The following XRN2 variants were observed in gnomAD, a reference collection of about 807,000 sequenced individuals.
XRN2 encodes 5'-3' exoribonuclease 2.
In XRN2, 44 loss-of-function variants were observed where a neutral mutation model predicts 138.5. The ratio of observed to expected loss-of-function variants is 0.32; its 90% CI spans 0.25 to 0.41. The LOEUF (loss-of-function observed/expected upper bound fraction) is 0.41, where lower values mean the gene tolerates loss of function less well. Ranked by LOEUF, XRN2 falls within the 10% of genes least tolerant of loss-of-function variation. XRN2 has a pLI of 1.00. For synonymous variants in XRN2, 354 were observed against 369.4 expected, an observed-to-expected ratio of 0.96 and a Z score of 0.48; for missense variants, 937 against 1,169.3, an observed-to-expected ratio of 0.80 and a Z score of 2.90.
intron 1 of XRN2, chr20:21,303,751 A>G (rs1052264423): frequency 2.5e-6 from 3 of 1,199,626 alleles, no homozygotes; most frequent in Non-Finnish European, 3.1e-6. Flanking sequence ...TTTTCCCGGC[A>G]CCGGAAGGCC....
intron 1 of XRN2, among the ~76,000 whole-genome samples, chr20:21,322,860 A>G (rs780266291): frequency 6.6e-6 from 1 of 152,192 alleles, no homozygotes; most frequent in Non-Finnish European, 1.5e-5. Context: ...CAGGCTTCCT[A>G]CTAGGCAGAG....
intron 1 of XRN2, among the ~76,000 whole-genome samples, chr20:21,320,886 A>G (rs1188499807): frequency 6.6e-6 from 1 of 152,200 alleles, no homozygotes; most frequent in Non-Finnish European, 1.5e-5. Context: ...TGCTAACACC[A>G]GGAGGGCTCC....
At chr20:21,332,982 C>CA (rs2038233914) in intron 9 of XRN2, among the ~76,000 whole-genome samples, 1 of 152,050 alleles carries the variant, frequency 6.6e-6, no homozygotes, top group Non-Finnish European at 1.5e-5. Context: ...GCTTCTGTTT[C>CA]AATAATATGG....
intron 26 of XRN2, among the ~76,000 whole-genome samples, chr20:21,367,982 T>C (rs1408305468): frequency 6.6e-6 from 1 of 152,084 alleles, no homozygotes; most frequent in African/African-American, 2.4e-5. Flanking sequence ...TAGTACGAAA[T>C]GAGAGAAATG....
chr20:21,323,472 CTT>C (rs2038076734), intron 1 of XRN2, among the ~76,000 whole-genome samples: 2 of 152,170 alleles, frequency 1.3e-5, no homozygotes, highest in South Asian at 4.1e-4. Context: ...AAGGATCTCT[CTT>C]TAACTGAACA....
rs575137742 is a variant in XRN2 at position 21,309,872 on chromosome 20, A to G, written c.75+6399A>G. Among the ~76,000 whole-genome samples, 3 of 152,118 alleles carry G rather than the reference A, an allele frequency of 2.0e-5. No homozygotes were observed. The South Asian group carries it at 6.2e-4, about 32-fold the overall frequency. ...TCTACTTTCTTTGTTTTGTCCCATT[A>G]TCAGTCTGGCTACACTGTTCTCAGA... On this transcript the variant is annotated intron_variant, in intron 1 of 29. Transcript: ENST00000377191.
At chr20:21,318,075 G>A (rs1212915277) in intron 1 of XRN2, among the ~76,000 whole-genome samples, 1 of 152,194 alleles carries the variant, frequency 6.6e-6, no homozygotes, top group African/African-American at 2.4e-5. Context: ...TGGGTAGTTT[G>A]CGGATTACTG....
chr20:21,387,955 G>GAGT (rs10672802), intron 29 of XRN2, among the ~76,000 whole-genome samples: 131,784 of 152,038 alleles, frequency 0.87, 57,501 homozygotes, highest in East Asian at 0.98. Context: ...TTTCTTCTGA[G>GAGT]ATTTTGTTAC....
chr20:21,338,382 AATCAAC>A (rs1454203982), intron 13 of XRN2, among the ~76,000 whole-genome samples: 1 of 152,184 alleles, frequency 6.6e-6, no homozygotes, highest in East Asian at 1.9e-4. Flanking sequence ...AGGGGGAAAG[AATCAAC>A]GTGGGCTGGA....
rs1321650879 is a variant in XRN2, at chr20:21,332,560, T to C, written c.858+120T>C. On this transcript the variant is annotated intron_variant, in intron 9 of 29. Transcript: ENST00000377191. ...GTATACAATTAAATAGCATTAAATATTTGAGTTACCTTGTTTTTAAAATGG... is the reference window on the plus strand; with the variant it reads ...GTATACAATTAAATAGCATTAAATACTTGAGTTACCTTGTTTTTAAAATGG... The C allele has an allele frequency of 1.2e-5, 12 of 1,010,486 alleles. No homozygotes were observed. In the East Asian group the frequency reaches 3.4e-4, roughly 28 times the overall value. The allele number at this position is 1,010,486 out of a possible 1,614,324, so 62.6% of individuals were successfully genotyped here.
At chr20:21,348,024 C>G (rs1257978909) in intron 17 of XRN2, 122 bp from the exon 18 acceptor site, 4 of 785,948 alleles carry the variant, frequency 5.1e-6, no homozygotes, top group Non-Finnish European at 7.7e-6. Flanking sequence ...GAATATATGC[C>G]AGAAGTCATG....
rs2038227613 is a variant in XRN2, at chr20:21,332,543, T to C, written c.858+103T>C. The C allele has an allele frequency of 2.7e-6, 3 of 1,104,284 alleles. No individual in the cohort carries two copies. In the African/African-American group the frequency reaches 4.7e-5, roughly 17 times the overall value. 68.4% of individuals were successfully genotyped at this position (1,104,284 alleles called of 1,614,324 possible). A position where few individuals can be genotyped will look rare whatever the true frequency, so the allele number is the denominator to read the frequency against. On this transcript the variant is annotated intron_variant, in intron 9 of 29. Transcript: ENST00000377191. Reference sequence around the variant, plus strand: ...ATTTCAACCATTTTAAAGTATACAATTAAATAGCATTAAATATTTGAGTTA... The same window carrying C: ...ATTTCAACCATTTTAAAGTATACAACTAAATAGCATTAAATATTTGAGTTA...
Position 21,326,377 on chromosome 20 carries a change from C to T in XRN2, c.174C>T (p.Ile58=), listed in dbSNP as rs1360277709. Residue 58 remains isoleucine, a synonymous_variant, in exon 2 of 30, where the codon ATC becomes ATT. Coordinates refer to ENST00000377191, the MANE Select transcript of XRN2 (RefSeq NM_012255.5). ...FDNLYLDMNG[I]IHPCTHPEDK... ...ATCTGTATTTGGATATGAATGGAAT[C>T]ATCCATCCCTGTACTCATCCTGAAG... 1.2e-6 allele frequency: 2 copies of T among 1,613,916 alleles called. No individual in the cohort carries two copies. Among genetic ancestry groups the T allele is most frequent in the South Asian group, 1.1e-5 (1 of 91,072 alleles).
intron 9 of XRN2, among the ~76,000 whole-genome samples, chr20:21,333,201 C>T (rs183298697): frequency 9.1e-4 from 138 of 152,278 alleles, no homozygotes; most frequent in African/African-American, 3.3e-3. Flanking sequence ...AAACTTCAAT[C>T]CTCCAGGTTT....
intron 1 of XRN2, among the ~76,000 whole-genome samples, chr20:21,315,871 C>T (rs1048974137): frequency 6.9e-6 from 1 of 145,500 alleles, no homozygotes; most frequent in African/African-American, 2.4e-5. Flanking sequence ...AATATAAGTC[C>T]CTTATAAGAT....
At position 21,365,402 on chromosome 20, in the gene XRN2, G is replaced by C. The variant is rs369617884; in HGVS notation, c.2256-19G>C. On this transcript the variant is annotated intron_variant, in intron 24 of 29. Transcript: ENST00000377191. ...GCTGATATAATCAGATCATTGAATT[G>C]TTTCTTGTTCTTTTCCAGTATTAAT... 6.2e-7 allele frequency: 1 copy of C among 1,609,028 alleles called. No individual in the cohort carries two copies. The highest frequency in any genetic ancestry group is 1.3e-5 in the African/African-American group (1 of 74,730).
intron 13 of XRN2, 54 bp downstream of exon 13, chr20:21,334,239 G>A: frequency 7.1e-7 from 1 of 1,405,466 alleles, no homozygotes; most frequent in Non-Finnish European, 1.0e-6. Flanking sequence ...AATAGGCTAT[G>A]ATGATCCTGT....
chr20:21,345,658 A>G (rs915579419), intron 16 of XRN2, among the ~76,000 whole-genome samples: 6 of 152,196 alleles, frequency 3.9e-5, no homozygotes, highest in Non-Finnish European at 8.8e-5. Flanking sequence ...TTGGATGAAA[A>G]TGTGGTTGGT....
At chr20:21,344,487 A>G (rs2038411259) in intron 16 of XRN2, among the ~76,000 whole-genome samples, 1 of 152,144 alleles carries the variant, frequency 6.6e-6, no homozygotes, top group Admixed American at 6.5e-5. Context: ...GCTAGATATC[A>G]TATCTAGGTG....
Sources: gnomAD v4.1 joint callset for allele counts (sites outside exome capture counted in the v4.1 genomes callset) on GRCh38, gnomAD v4.1.1 for gene constraint, MANE v1.5 for transcripts, NCBI Gene and HGNC (gene_info 2026-07-23, HGNC 2026-07-21) for gene names.